The following PLEKHH2 variants were observed in gnomAD, a reference collection of about 807,000 sequenced individuals.
PLEKHH2 encodes pleckstrin homology domain-containing family H member 2.
Under a neutral mutation model 187.9 loss-of-function variants are expected in PLEKHH2, and 129 were observed. The observed-to-expected ratio is 0.69, with a 90% confidence interval of 0.59 to 0.79. The LOEUF is 0.79. PLEKHH2 is among the 30% of genes least tolerant of loss of function. The probability of loss-of-function intolerance (pLI) is 0.00; values close to 1 mark genes in which losing one functional copy is unlikely to be tolerated. For synonymous variants in PLEKHH2, 686 were observed against 605.6 expected, an observed-to-expected ratio of 1.13 and a Z score of -1.95; for missense variants, 2,076 against 1,751.2, an observed-to-expected ratio of 1.19 and a Z score of -3.31.
chr2:43,716,101 A>C (rs932910826), intron 15 of PLEKHH2, among the ~76,000 whole-genome samples: 3 of 152,184 alleles, frequency 2.0e-5, no homozygotes, highest in African/African-American at 7.2e-5. Context: ...AGGACTATCT[A>C]TACCTTTCAG....
intron 2 of PLEKHH2, among the ~76,000 whole-genome samples, chr2:43,666,402 C>T (rs907845090): frequency 5.4e-5 from 8 of 148,162 alleles, no homozygotes; most frequent in African/African-American, 2.1e-4. Flanking sequence ...GAACCTGGTA[C>T]CTCAGATGGA....
chr2:43,654,349 C>G (rs1284324541), intron 2 of PLEKHH2, among the ~76,000 whole-genome samples: 1 of 151,970 alleles, frequency 6.6e-6, no homozygotes, highest in African/African-American at 2.4e-5. Context: ...TGTGCACCAC[C>G]ACATCCAGCT....
chr2:43,746,596 G>C (rs896820693), intron 24 of PLEKHH2, among the ~76,000 whole-genome samples: 10 of 152,128 alleles, frequency 6.6e-5, no homozygotes, highest in African/African-American at 2.4e-4. Flanking sequence ...TGCTCTCTTA[G>C]AGTAGTTGAT....
chr2:43,731,404 G>A (rs910643002), intron 18 of PLEKHH2, 86 bp from the exon 19 acceptor site: 26 of 873,570 alleles, frequency 3.0e-5, no homozygotes, highest in Middle Eastern at 4.5e-4. Context: ...AAGCCTGAAT[G>A]AGCTAATGTC....
chr2:43,639,911 C>T (rs576986478), intron 1 of PLEKHH2, among the ~76,000 whole-genome samples: 3 of 152,230 alleles, frequency 2.0e-5, no homozygotes, highest in South Asian at 4.1e-4. Flanking sequence ...CCTGCTTTTG[C>T]CCTACAAAGT....
chr2:43,658,247 G>A (rs1666889742), intron 2 of PLEKHH2, among the ~76,000 whole-genome samples: 1 of 152,126 alleles, frequency 6.6e-6, no homozygotes. Flanking sequence ...GTCTCTGCAT[G>A]TCTCTTAAAT....
intron 17 of PLEKHH2, among the ~76,000 whole-genome samples, chr2:43,728,579 T>TAAAA (rs374113619): frequency 0.16 from 22,389 of 142,646 alleles, 2,018 homozygotes; most frequent in Non-Finnish European, 0.21. Context: ...TTTTTTTTTT[T>TAAAA]AAAACAGAGT....
At chr2:43,649,399 G>A (rs1366316751) in intron 2 of PLEKHH2, among the ~76,000 whole-genome samples, 1 of 152,208 alleles carries the variant, frequency 6.6e-6, no homozygotes, top group African/African-American at 2.4e-5. Context: ...TTGGACATCA[G>A]CATTGCTCGC....
rs758436700 is a variant in PLEKHH2 at position 43,715,716 on chromosome 2, C to A, written c.2460+3333C>A. Among the ~76,000 whole-genome samples the A allele has an allele frequency of 2.0e-5, 3 of 152,066 alleles. No individual in the cohort carries two copies. The South Asian group carries it at 6.2e-4, about 32-fold the overall frequency. On this transcript the variant is annotated intron_variant, in intron 15 of 29. Transcript: ENST00000282406. ...AGATGATAGCAGATAAGAGAGAGCT[C>A]AGGAAAGAGGAGCAGTTTTAGGAAG... is the stretch of plus-strand genomic sequence containing the variant.
At chr2:43,667,438 T>C (rs1667271310) in intron 2 of PLEKHH2, among the ~76,000 whole-genome samples, 1 of 152,320 alleles carries the variant, frequency 6.6e-6, no homozygotes, top group Admixed American at 6.5e-5. Context: ...TACTCCTAAA[T>C]AGATACCTAA....
intron 17 of PLEKHH2, among the ~76,000 whole-genome samples, chr2:43,728,647 C>T (rs1393561654): frequency 4.7e-5 from 7 of 150,206 alleles, no homozygotes; most frequent in Admixed American, 3.3e-4. Flanking sequence ...CTGCAACCTC[C>T]GCCTCCTGGG....
At chr2:43,710,598 T>C in intron 14 of PLEKHH2, 23 bp downstream of exon 14, 1 of 1,568,240 alleles carries the variant, frequency 6.4e-7, no homozygotes, top group Non-Finnish European at 8.6e-7. Flanking sequence ...TTTTTTTTTT[T>C]TTTTTTTTTT....
At chr2:43,706,455 T>A (rs111755584) in intron 10 of PLEKHH2, 39 bp downstream of exon 10, 4 of 1,360,168 alleles carry the variant, frequency 2.9e-6, no homozygotes, top group African/African-American at 1.5e-5. Context: ...TGTGCTTCTC[T>A]TCATGATGGA....
intron 5 of PLEKHH2, 29 bp downstream of exon 5, chr2:43,694,543 T>C: frequency 6.7e-7 from 1 of 1,502,424 alleles, no homozygotes; most frequent in Non-Finnish European, 8.9e-7. Flanking sequence ...TTTCCTTTTC[T>C]TTACCTTTTA....
At chr2:43,756,937 T>C (rs1054770237) in intron 25 of PLEKHH2, among the ~76,000 whole-genome samples, 182 bp from the exon 26 acceptor site, 3 of 152,186 alleles carry the variant, frequency 2.0e-5, no homozygotes, top group Admixed American at 6.5e-5. Flanking sequence ...AAAAAAATTA[T>C]AATTCAAATG....
intron 28 of PLEKHH2, among the ~76,000 whole-genome samples, chr2:43,763,410 T>C (rs7602519): frequency 0.088 from 13,218 of 150,876 alleles, 729 homozygotes; most frequent in South Asian, 0.16. Context: ...TATTTTATTT[T>C]ATTTTATTGA....
At chr2:43,764,638 G>A (rs1199477156) in intron 29 of PLEKHH2, among the ~76,000 whole-genome samples, 1 of 152,098 alleles carries the variant, frequency 6.6e-6, no homozygotes, top group African/African-American at 2.4e-5. Flanking sequence ...AGTTTGTAGG[G>A]TACTTAGCCC....
chr2:43,727,043 G>C (rs963088526), intron 17 of PLEKHH2, among the ~76,000 whole-genome samples: 1 of 150,018 alleles, frequency 6.7e-6, no homozygotes, highest in Non-Finnish European at 1.5e-5. Context: ...AGAATTTAAA[G>C]AGTTAAAAGA....
At chr2:43,718,537 C>CA (rs751090843) in intron 15 of PLEKHH2, among the ~76,000 whole-genome samples, 226 of 103,586 alleles carry the variant, frequency 2.2e-3, no homozygotes, top group Middle Eastern at 6.8e-3. Context: ...GACTCCGTCT[C>CA]AAAAAAAAAA....
Sources: gnomAD v4.1 joint callset for allele counts (sites outside exome capture counted in the v4.1 genomes callset) on GRCh38, gnomAD v4.1.1 for gene constraint, MANE v1.5 for transcripts, NCBI Gene and HGNC (gene_info 2026-07-23, HGNC 2026-07-21) for gene names.